CSMD1: variants seen among roughly 807,000 people sequenced by gnomAD.
CSMD1 encodes the protein CUB and sushi domain-containing protein 1.
CSMD1 carries 213 observed loss-of-function variants against 417.5 expected under a neutral mutation model. The observed-to-expected ratio is 0.51, with a 90% CI of 0.46 to 0.57. CSMD1 has a LOEUF of 0.57. CSMD1 is among the 20% of genes least tolerant of loss of function. The pLI is 0.00. For synonymous variants in CSMD1, 2,862 were observed against 1,736.8 expected, an observed-to-expected ratio of 1.65 and a Z score of -16.11; for missense variants, 6,923 against 4,529.7, an observed-to-expected ratio of 1.53 and a Z score of -15.17.
At chr8:4,199,680 C>G (rs145875818) in intron 3 of CSMD1, among the ~76,000 whole-genome samples, 270 of 152,258 alleles carry the variant, frequency 1.8e-3, no homozygotes, top group Non-Finnish European at 2.9e-3. Flanking sequence ...ACAGGCAAGG[C>G]AGTCCAGATT....
chr8:4,688,385 G>A (rs867522620), intron 1 of CSMD1, among the ~76,000 whole-genome samples: 1 of 152,126 alleles, frequency 6.6e-6, no homozygotes. Flanking sequence ...CAGGTTGAGC[G>A]TGGCCTAATT....
At chr8:3,875,988 CTTACAT>C (rs1805790080) in intron 5 of CSMD1, among the ~76,000 whole-genome samples, 1 of 152,022 alleles carries the variant, frequency 6.6e-6, no homozygotes, top group African/African-American at 2.4e-5. Flanking sequence ...GGCCACATGT[CTTACAT>C]TTCTTCCTAC....
chr8:4,169,352 T>C (rs765298302), intron 3 of CSMD1, among the ~76,000 whole-genome samples: 4 of 152,136 alleles, frequency 2.6e-5, no homozygotes, highest in Admixed American at 6.5e-5. Context: ...TCTAGATAAA[T>C]GGCGACTGCG....
At chr8:4,297,749 G>T (rs948475083) in intron 3 of CSMD1, among the ~76,000 whole-genome samples, 3 of 152,048 alleles carry the variant, frequency 2.0e-5, no homozygotes, top group Non-Finnish European at 4.4e-5. Flanking sequence ...CACCACTAAC[G>T]ATTAAGAACC....
At chr8:2,970,195 T>C (rs1400118088) in intron 57 of CSMD1, among the ~76,000 whole-genome samples, 1 of 152,234 alleles carries the variant, frequency 6.6e-6, no homozygotes, top group Non-Finnish European at 1.5e-5. Flanking sequence ...TTTGCTGGAC[T>C]AGAACTCATA....
At chr8:3,221,856 T>C (rs1271047047) in intron 28 of CSMD1, among the ~76,000 whole-genome samples, 3 of 152,084 alleles carry the variant, frequency 2.0e-5, no homozygotes, top group Non-Finnish European at 4.4e-5. Context: ...CTTCAGGTCA[T>C]ATGATTCTTT....
chr8:4,326,134 A>C (rs111392671), intron 3 of CSMD1, among the ~76,000 whole-genome samples: 2,021 of 152,250 alleles, frequency 0.013, 45 homozygotes, highest in African/African-American at 0.046. Context: ...AGCGTTTCTG[A>C]AATATTCAGT....
At chr8:3,523,936 C>G (rs988893207) in intron 10 of CSMD1, among the ~76,000 whole-genome samples, 6 of 150,830 alleles carry the variant, frequency 4.0e-5, no homozygotes, top group Non-Finnish European at 8.8e-5. Context: ...TGCATGCACA[C>G]TCAGACACGT....
chr8:4,556,373 A>G (rs1485608564), intron 2 of CSMD1, among the ~76,000 whole-genome samples: 2 of 152,180 alleles, frequency 1.3e-5, no homozygotes, highest in African/African-American at 2.4e-5. Flanking sequence ...AAATAACTGT[A>G]TAACAATTTT....
intron 5 of CSMD1, among the ~76,000 whole-genome samples, chr8:3,754,253 T>A (rs1229202990): frequency 6.6e-6 from 1 of 152,180 alleles, no homozygotes; most frequent in African/African-American, 2.4e-5. Flanking sequence ...ATGGAATGAA[T>A]GTTTTCAAAA....
intron 3 of CSMD1, among the ~76,000 whole-genome samples, chr8:4,207,803 C>A (rs867010968): frequency 6.6e-6 from 1 of 152,052 alleles, no homozygotes; most frequent in African/African-American, 2.4e-5. Context: ...GCAAAAGTTA[C>A]AATAATTATG....
chr8:3,658,511 G>A (rs541329497), intron 7 of CSMD1, among the ~76,000 whole-genome samples: 8 of 148,344 alleles, frequency 5.4e-5, no homozygotes, highest in Admixed American at 1.3e-4. Flanking sequence ...GGTCGGGCTT[G>A]GTGTCTCATG....
At chr8:3,006,442 CA>C (rs1466958194) in intron 52 of CSMD1, among the ~76,000 whole-genome samples, 2 of 151,592 alleles carry the variant, frequency 1.3e-5, no homozygotes, top group African/African-American at 4.9e-5. Context: ...CATATGGAAC[CA>C]AAAAAGAGCC....
At chr8:4,919,676 G>C (rs1168244287) in intron 1 of CSMD1, among the ~76,000 whole-genome samples, 3 of 152,124 alleles carry the variant, frequency 2.0e-5, no homozygotes, top group African/African-American at 7.2e-5. Flanking sequence ...AATTAACATA[G>C]GAGGTGTGAA....
At chr8:3,058,453 C>T (rs528192349) in intron 49 of CSMD1, among the ~76,000 whole-genome samples, 40 of 152,174 alleles carry the variant, frequency 2.6e-4, no homozygotes, top group Non-Finnish European at 5.0e-4. Context: ...CGAAAACAAT[C>T]ACTAGTTAAT....
At chr8:4,727,570 A>C (rs1563231967) in intron 1 of CSMD1, among the ~76,000 whole-genome samples, 2 of 152,138 alleles carry the variant, frequency 1.3e-5, no homozygotes, top group South Asian at 2.1e-4. Flanking sequence ...CACTATGCAG[A>C]TTTATTTTCT....
chr8:4,295,969 G>GA (rs954987403), intron 3 of CSMD1, among the ~76,000 whole-genome samples: 8 of 151,248 alleles, frequency 5.3e-5, no homozygotes, highest in African/African-American at 9.7e-5. Flanking sequence ...ACATTTTCCT[G>GA]AAAAAAACAA....
chr8:3,957,640 T>A (rs1350878523), intron 5 of CSMD1, among the ~76,000 whole-genome samples: 1 of 151,404 alleles, frequency 6.6e-6, no homozygotes, highest in African/African-American at 2.4e-5. Flanking sequence ...ACTATAGTCA[T>A]GCCACTGCAC....
chr8:4,168,395 T>C (rs184295982), intron 3 of CSMD1, among the ~76,000 whole-genome samples: 5 of 151,872 alleles, frequency 3.3e-5, no homozygotes, highest in Admixed American at 2.6e-4. Flanking sequence ...ACCCTTACTC[T>C]CTCTCTCAAT....
Sources: gnomAD v4.1 joint callset for allele counts (sites outside exome capture counted in the v4.1 genomes callset) on GRCh38, gnomAD v4.1.1 for gene constraint, MANE v1.5 for transcripts, NCBI Gene and HGNC (gene_info 2026-07-23, HGNC 2026-07-21) for gene names.